The following TMEM132D variants were observed in gnomAD, a reference collection of about 807,000 sequenced individuals.
The protein encoded by TMEM132D is mature OL transmembrane protein.
Under a neutral mutation model 62.3 loss-of-function variants are expected in TMEM132D, and 21 were observed. The ratio of observed to expected loss-of-function variants is 0.34; its 90% CI spans 0.24 to 0.49. The LOEUF (loss-of-function observed/expected upper bound fraction) is 0.49. Ranked by LOEUF, TMEM132D falls within the 20% of genes least tolerant of loss-of-function variation. The pLI, the probability that TMEM132D is intolerant of heterozygous loss-of-function variation, is 0.99. For synonymous variants in TMEM132D, 621 were observed against 575.6 expected (o/e 1.08, Z -1.13); for missense variants, 1,346 against 1,402.8 (o/e 0.96, Z 0.65).
chr12:129,246,346 A>T (rs1880111196), intron 4 of TMEM132D, among the ~76,000 whole-genome samples: 1 of 152,216 alleles, frequency 6.6e-6, no homozygotes, highest in Admixed American at 6.5e-5. Context: ...AACAGCACCA[A>T]GGCTGAGCAC....
chr12:129,437,686 A>G (rs965975199), intron 3 of TMEM132D, among the ~76,000 whole-genome samples: 1 of 151,912 alleles, frequency 6.6e-6, no homozygotes, highest in Non-Finnish European at 1.5e-5. Flanking sequence ...GGATACAGAC[A>G]TTCCATTCCT....
chr12:129,243,635 G>C (rs1241265537), intron 4 of TMEM132D, among the ~76,000 whole-genome samples: 1 of 152,126 alleles, frequency 6.6e-6, no homozygotes, highest in Non-Finnish European at 1.5e-5. Flanking sequence ...CTAACACAGG[G>C]CTTCATCTCC....
At chr12:129,890,959 C>G (rs1214367872) in intron 1 of TMEM132D, among the ~76,000 whole-genome samples, 2 of 152,098 alleles carry the variant, frequency 1.3e-5, no homozygotes, top group Non-Finnish European at 2.9e-5. Context: ...CAGGGGCCTC[C>G]CGAATTCCAT....
At chr12:129,829,800 G>A (rs1872774177) in intron 1 of TMEM132D, among the ~76,000 whole-genome samples, 1 of 152,124 alleles carries the variant, frequency 6.6e-6, no homozygotes. Flanking sequence ...ATCATCCAAA[G>A]CCAAGACAGC....
chr12:129,181,543 G>C (rs531145795), intron 5 of TMEM132D, among the ~76,000 whole-genome samples: 1 of 152,296 alleles, frequency 6.6e-6, no homozygotes, highest in East Asian at 1.9e-4. Flanking sequence ...TTGGCTTGAT[G>C]TACACAGTGC....
At chr12:129,476,910 A>G (rs1273776698) in intron 3 of TMEM132D, among the ~76,000 whole-genome samples, 2 of 152,208 alleles carry the variant, frequency 1.3e-5, no homozygotes, top group Non-Finnish European at 2.9e-5. Flanking sequence ...TTCCAGTATA[A>G]GATGATCAAT....
chr12:129,858,755 G>A (rs112941271), intron 1 of TMEM132D, among the ~76,000 whole-genome samples: 8 of 49,398 alleles, frequency 1.6e-4, no homozygotes, highest in African/African-American at 1.3e-3. Context: ...CCCTTGTAAC[G>A]GAGTCCGGGG....
intron 3 of TMEM132D, among the ~76,000 whole-genome samples, chr12:129,468,881 G>A (rs1410582435): frequency 6.6e-6 from 1 of 152,044 alleles, no homozygotes; most frequent in Non-Finnish European, 1.5e-5. Context: ...TTAAAATCAG[G>A]CTTCTTCCAG....
chr12:129,646,774 T>C (rs1565935171), intron 2 of TMEM132D, among the ~76,000 whole-genome samples: 1 of 151,328 alleles, frequency 6.6e-6, no homozygotes, highest in Non-Finnish European at 1.5e-5. Context: ...CGCACAAAGA[T>C]ATAAACACAC....
chr12:129,567,302 T>G (rs1877392681), intron 2 of TMEM132D, among the ~76,000 whole-genome samples: 1 of 152,212 alleles, frequency 6.6e-6, no homozygotes, highest in Non-Finnish European at 1.5e-5. Flanking sequence ...AAATTACCAA[T>G]TCATGATATT....
Position 129,247,195 on chromosome 12 carries a change from A to G in TMEM132D, c.1300-37532T>C, listed in dbSNP as rs541745537. ...TTGGGAAGTACACAAATTGCTGTCA[A>G]TTTATATCTTTCTAACTCTTCAAAT... On this transcript the variant is annotated intron_variant, in intron 4 of 8. Transcript: ENST00000422113. 1.1e-4 allele frequency among the ~76,000 whole-genome samples: 16 copies of G among 152,308 alleles called. No individual in the cohort carries two copies. The South Asian group carries it at 2.9e-3, about 28-fold the overall frequency.
intron 2 of TMEM132D, among the ~76,000 whole-genome samples, chr12:129,552,323 A>G (rs1032506347): frequency 2.6e-5 from 4 of 152,134 alleles, no homozygotes; most frequent in African/African-American, 9.7e-5. Flanking sequence ...CATTATCTAT[A>G]TATCTGGCTA....
intron 5 of TMEM132D, among the ~76,000 whole-genome samples, chr12:129,161,401 G>A (rs1448820341): frequency 3.9e-5 from 6 of 152,168 alleles, no homozygotes; most frequent in Non-Finnish European, 7.3e-5. Flanking sequence ...AGTGAACTGA[G>A]CTTTCCATGG....
At chr12:129,340,884 C>T (rs1397321381) in intron 3 of TMEM132D, among the ~76,000 whole-genome samples, 1 of 152,198 alleles carries the variant, frequency 6.6e-6, no homozygotes, top group East Asian at 1.9e-4. Context: ...GTACCTTGAG[C>T]TTGTGGGGAA....
intron 1 of TMEM132D, among the ~76,000 whole-genome samples, chr12:129,714,940 C>T (rs1192222188): frequency 2.0e-5 from 3 of 152,178 alleles, no homozygotes; most frequent in African/African-American, 4.8e-5. Context: ...CGTCTCCAGC[C>T]TAACAATGCG....
intron 2 of TMEM132D, chr12:129,683,142 A>T (rs1880826374): frequency 6.6e-6 from 1 of 152,194 alleles, no homozygotes; most frequent in South Asian, 2.1e-4. Flanking sequence ...AAAGAAAAAA[A>T]AAAAAGGAAT....
chr12:129,721,263 C>T (rs1868817277), intron 1 of TMEM132D, among the ~76,000 whole-genome samples: 1 of 152,150 alleles, frequency 6.6e-6, no homozygotes, highest in Non-Finnish European at 1.5e-5. Flanking sequence ...CCTCTCATCA[C>T]CAAGTCATCA....
At chr12:129,429,296 C>T (rs957653152) in intron 3 of TMEM132D, among the ~76,000 whole-genome samples, 1 of 152,222 alleles carries the variant, frequency 6.6e-6, no homozygotes, top group Non-Finnish European at 1.5e-5. Context: ...CAGGGGACAG[C>T]TGCCATTCAC....
intron 3 of TMEM132D, among the ~76,000 whole-genome samples, chr12:129,463,438 C>G (rs1472854971): frequency 6.8e-6 from 1 of 146,044 alleles, no homozygotes; most frequent in Non-Finnish European, 1.5e-5. Flanking sequence ...GATCCCTGTC[C>G]TATTTATTTA....
Sources: allele counts gnomAD v4.1 joint callset (sites outside exome capture counted in the v4.1 genomes callset), GRCh38; gene constraint gnomAD v4.1.1; transcripts MANE v1.5; gene names NCBI Gene and HGNC (gene_info 2026-07-23, HGNC 2026-07-21).